VPS13A: variants seen among roughly 807,000 people sequenced by gnomAD.
VPS13A encodes vacuolar protein sorting 13 homolog A, also known as intermembrane lipid transfer protein VPS13A.
A neutral mutation model predicts 390.9 loss-of-function variants in VPS13A; 264 were observed. That is an observed-to-expected ratio of 0.68 (90% confidence interval 0.61 to 0.75). The LOEUF (loss-of-function observed/expected upper bound fraction) is 0.75. Ranked by LOEUF, VPS13A falls within the 30% of genes least tolerant of loss-of-function variation. VPS13A has a pLI of 0.00. For synonymous variants in VPS13A, 1,231 were observed against 1,227.1 expected, an observed-to-expected ratio of 1.00 and a Z score of -0.07; for missense variants, 3,409 against 3,733.9, an observed-to-expected ratio of 0.91 and a Z score of 2.27.
chr9:77,265,810 C>T lies in VPS13A; in HGVS notation c.2427+5586C>T, dbSNP rs543892117. ...CTATCTCCTTCATTTCTGCTCTGAT[C>T]TTAGTTATTTCTTGTCTTCTGCTAC... is the stretch of plus-strand genomic sequence containing the variant. On this transcript the variant is annotated intron_variant, in intron 23 of 71. Transcript: ENST00000360280. 1.4e-4 allele frequency among the ~76,000 whole-genome samples: 21 copies of T among 152,228 alleles called. No individual in the cohort carries two copies. In the South Asian group the frequency reaches 4.3e-3, roughly 32 times the overall value.
intron 37 of VPS13A, 40 bp downstream of exon 37, chr9:77,314,704 A>G: frequency 2.5e-6 from 4 of 1,582,184 alleles, no homozygotes; most frequent in South Asian, 1.1e-5. Context: ...TACTTGAGAA[A>G]TCGTTGATAT....
chr9:77,273,453 G>A, intron 24 of VPS13A, 89 bp downstream of exon 24: 2 of 1,052,500 alleles, frequency 1.9e-6, no homozygotes, highest in Non-Finnish European at 2.8e-6. Flanking sequence ...ACCACACAGA[G>A]GAAGGAAAAT....
At position 77,339,549 on chromosome 9, in the gene VPS13A, G is replaced by T; in HGVS notation, c.6412G>T (p.Gly2138Ter). The T allele has an allele frequency of 6.4e-7, 1 of 1,569,134 alleles. No homozygotes were observed. ...IENSVFTLSE[G>*]HSAQICTAQL... Reference sequence around the variant, plus strand: ...AAATTCGGTTTTTACTCTAAGTGAAGGACATTCAGCCCAGATTTGTACTGC... The same window carrying T: ...AAATTCGGTTTTTACTCTAAGTGAATGACATTCAGCCCAGATTTGTACTGC... The change falls in exon 48 of 72, where the codon GGA (glycine) becomes TGA (stop). Residue 2138 changes from glycine to a stop codon, truncating the protein, a stop_gained. Transcript: ENST00000360280. LOFTEE classifies it high-confidence loss of function.
At chr9:77,177,898 C>A in intron 1 of VPS13A, 94 bp downstream of exon 1, 1 of 1,180,088 alleles carries the variant, frequency 8.5e-7, no homozygotes, top group Non-Finnish European at 1.2e-6. Flanking sequence ...GCTTCGAGCA[C>A]CTTGCTCGCC....
At chr9:77,177,970 C>G in intron 1 of VPS13A, 166 bp downstream of exon 1, 1 of 609,664 alleles carries the variant, frequency 1.6e-6, no homozygotes, top group Non-Finnish European at 2.9e-6. Flanking sequence ...GGCGGCAGTT[C>G]CCTGGCCTCC....
In VPS13A at chr9:77,295,631, A is replaced by G. The variant is rs1350589413; in HGVS notation, c.3597A>G (p.Glu1199=). 1 of 1,614,018 alleles carries G rather than the reference A, an allele frequency of 6.2e-7. No individual in the cohort carries two copies. Among genetic ancestry groups the G allele is most frequent in the South Asian group, 1.1e-5 (1 of 91,076 alleles). Residue 1199 remains glutamate, a synonymous_variant, in exon 33 of 72, where the codon GAA becomes GAG. Coordinates refer to ENST00000360280, the MANE Select transcript of VPS13A (RefSeq NM_033305.3). ...AAGMAATGVK[E]LAQRSSRMAL... ...GAATGGCTGCTACTGGTGTAAAAGA[A>G]CTCGCACAAAGGAGTTCCAGAATGG...
intron 71 of VPS13A, among the ~76,000 whole-genome samples, chr9:77,408,904 C>T (rs1261848520): frequency 6.6e-6 from 1 of 152,238 alleles, no homozygotes; most frequent in Non-Finnish European, 1.5e-5. Context: ...GCAGAATCCT[C>T]TGCAGACTTA....
rs116036515 is a variant in VPS13A, at chr9:77,213,901, C to G, written c.697-428C>G. On this transcript the variant is annotated intron_variant, in intron 9 of 71. Transcript: ENST00000360280. ...TTTAATATTTTGCCATAGCTAAGTT[C>G]TAAGTTTGAATTGGTTTTTAAAATT... is the stretch of plus-strand genomic sequence containing the variant. Among the ~76,000 whole-genome samples the G allele has an allele frequency of 4.4e-3, 673 of 152,164 alleles. 5 individuals are homozygous for G. Among genetic ancestry groups the G allele is most frequent in the African/African-American group, 0.015 (634 of 41,500 alleles).
chr9:77,316,500 A>C, intron 39 of VPS13A, 94 bp downstream of exon 39: 1 of 1,022,080 alleles, frequency 9.8e-7, no homozygotes, highest in Non-Finnish European at 1.5e-6. Context: ...ATGCTTTCCA[A>C]CCTTGCTCTG....
chr9:77,390,085 T>TATAG, intron 68 of VPS13A: 2 of 985,424 alleles, frequency 2.0e-6, no homozygotes, highest in Non-Finnish European at 2.4e-6. Flanking sequence ...GGTCTTACTA[T>TATAG]AGCAGTCAGA....
chr9:77,325,577 T>A (rs114119052), intron 45 of VPS13A, among the ~76,000 whole-genome samples: 2,176 of 152,100 alleles, frequency 0.014, 61 homozygotes, highest in African/African-American at 0.05. Context: ...TCTTTTTTTT[T>A]ATTAATTGAG....
In VPS13A at chr9:77,353,561, T is replaced by A; in HGVS notation, c.7572T>A (p.Ile2524=). ...SEKAELAEQE[I]AVALQDVGIS... is the part of the protein sequence containing the mutation. ...AAGCAGAGTTAGCAGAGCAAGAAAT[T>A]GCAGTGGCATTACAAGATGTTGGAA... Residue 2524 remains isoleucine, a synonymous_variant, in exon 54 of 72, where the codon ATT becomes ATA. Coordinates refer to ENST00000360280, the MANE Select transcript of VPS13A (RefSeq NM_033305.3). 1 of 1,613,522 alleles carries A rather than the reference T, an allele frequency of 6.2e-7. No individual in the cohort carries two copies. Among genetic ancestry groups the A allele is most frequent in the Non-Finnish European group, 8.5e-7 (1 of 1,179,628 alleles).
intron 65 of VPS13A, 21 bp from the exon 66 acceptor site, chr9:77,370,869 T>G: frequency 6.2e-7 from 1 of 1,612,318 alleles, no homozygotes. Flanking sequence ...TTGTAAATTT[T>G]CAGTTGTGTT....
rs192380515 is a variant in VPS13A at position 77,213,001 on chromosome 9, T to C, written c.588T>C (p.His196=). 7.8e-5 allele frequency: 126 copies of C among 1,614,022 alleles called. No homozygotes were observed. The East Asian group carries it at 2.7e-3, about 35-fold the overall frequency. ...TTDQYWVPCL[H]DETEKLVRKL... ...ATCAATACTGGGTTCCATGTTTACATGATGAAACTGAGAAACTGGTTCGTA... is the reference window on the plus strand; with the variant it reads ...ATCAATACTGGGTTCCATGTTTACACGATGAAACTGAGAAACTGGTTCGTA... Residue 196 remains histidine (H), a synonymous_variant, in exon 8 of 72, where the codon CAT becomes CAC. Coordinates refer to ENST00000360280, the MANE Select transcript of VPS13A (RefSeq NM_033305.3).
intron 53 of VPS13A, among the ~76,000 whole-genome samples, chr9:77,351,821 A>G (rs937282759): frequency 1.3e-5 from 2 of 152,134 alleles, no homozygotes; most frequent in Non-Finnish European, 2.9e-5. Context: ...GTGAGCCAAG[A>G]TCACGCCACT....
At chr9:77,231,726 T>C (rs974345146) in intron 17 of VPS13A, among the ~76,000 whole-genome samples, 1 of 152,178 alleles carries the variant, frequency 6.6e-6, no homozygotes, top group African/African-American at 2.4e-5. Context: ...ATTGATACTG[T>C]CCTTTGGTGT....
intron 7 of VPS13A, among the ~76,000 whole-genome samples, chr9:77,212,131 A>C (rs1288252210): frequency 1.3e-5 from 2 of 152,152 alleles, no homozygotes; most frequent in African/African-American, 4.8e-5. Flanking sequence ...CCACATAGAA[A>C]CGAAAACCAT....
At chr9:77,180,542 C>T (rs995985473) in intron 1 of VPS13A, among the ~76,000 whole-genome samples, 12 of 152,074 alleles carry the variant, frequency 7.9e-5, no homozygotes, top group African/African-American at 2.9e-4. Flanking sequence ...AAGATGTTCT[C>T]CTGTGTTTTC....
intron 67 of VPS13A, among the ~76,000 whole-genome samples, chr9:77,372,535 A>G (rs1433089198): frequency 6.6e-6 from 1 of 152,206 alleles, no homozygotes; most frequent in African/African-American, 2.4e-5. Flanking sequence ...ATCATACTAA[A>G]TGGGCAAAAA....
Sources: allele counts gnomAD v4.1 joint callset (sites outside exome capture counted in the v4.1 genomes callset), GRCh38; gene constraint gnomAD v4.1.1; transcripts MANE v1.5; gene names NCBI Gene and HGNC (gene_info 2026-07-23, HGNC 2026-07-21).